CCL28: variants seen among roughly 807,000 people sequenced by gnomAD.
CCL28 encodes C-C motif chemokine 28.
A neutral mutation model predicts 7.1 loss-of-function variants in CCL28; 4 were observed. The ratio of observed to expected loss-of-function variants is 0.56; its 90% CI spans 0.28 to 1.29. The LOEUF (loss-of-function observed/expected upper bound fraction) is 1.29, where lower values mean the gene tolerates loss of function less well. CCL28 is among the 50% of genes most tolerant of loss of function. The probability of loss-of-function intolerance (pLI) is 0.11; values close to 1 mark genes in which losing one functional copy is unlikely to be tolerated. For missense variants in CCL28, 151 were observed against 163.4 expected (o/e 0.92, Z 0.41); for synonymous variants, 55 against 57.8 (o/e 0.95, Z 0.22).
chr5:43,388,398 A>G lies in CCL28; in HGVS notation c.143T>C (p.Met48Thr). 1.2e-6 allele frequency: 2 copies of G among 1,614,114 alleles called. No homozygotes were observed. Among genetic ancestry groups the G allele is most frequent in the Non-Finnish European group, 1.7e-6 (2 of 1,179,992 alleles). The part of the protein sequence containing the change: ...ISRRLLERVN[M>T]CRIQRADGDC... Reference sequence around the variant, plus strand: ...CCCATCAGCTCTCTGGATGCGACACATATTCACTCTTTCCAGGAGCCTTCT... The same window carrying G: ...CCCATCAGCTCTCTGGATGCGACACGTATTCACTCTTTCCAGGAGCCTTCT... Residue 48 changes from methionine (M) to threonine (T), a missense_variant, in exon 2 of 3, where the codon ATG becomes ACG. Coordinates refer to ENST00000361115, the MANE Select transcript of CCL28 (RefSeq NM_148672.3).
intron 1 of CCL28, among the ~76,000 whole-genome samples, chr5:43,409,855 C>T (rs767969670): frequency 5.3e-5 from 8 of 152,034 alleles, no homozygotes; most frequent in African/African-American, 1.9e-4. Flanking sequence ...GGATGATAGA[C>T]ATGTTTATGG....
chr5:43,399,011 G>A (rs1191831495), intron 1 of CCL28, among the ~76,000 whole-genome samples: 1 of 152,064 alleles, frequency 6.6e-6, no homozygotes, highest in African/African-American at 2.4e-5. Flanking sequence ...TTCAAAATGT[G>A]TTTTTTTAGC....
chr5:43,394,758 A>AAAGGAT (rs1740730197), intron 1 of CCL28, among the ~76,000 whole-genome samples: 1 of 152,136 alleles, frequency 6.6e-6, no homozygotes, highest in South Asian at 2.1e-4. Context: ...TGTAGGAAAT[A>AAAGGAT]AAGGATTTTT....
At chr5:43,375,800 G>A (rs1353645030), downstream of CCL28, among the ~76,000 whole-genome samples, 1 of 152,022 alleles carries the variant, frequency 6.6e-6, no homozygotes, top group East Asian at 1.9e-4. Context: ...TAAAAAATTA[G>A]CCGGGTGTGG....
intron 2 of CCL28, among the ~76,000 whole-genome samples, chr5:43,384,637 T>TC (rs1049024893): frequency 2.0e-5 from 3 of 150,042 alleles, no homozygotes; most frequent in South Asian, 4.2e-4. Context: ...CTGAGGCCAA[T>TC]CCCCCTTTTT....
chr5:43,370,261 A>G, the CCL28 span, among the ~76,000 whole-genome samples: 1 of 152,350 alleles, frequency 6.6e-6, no homozygotes, highest in African/African-American at 2.4e-5. Context: ...TTCAAATACC[A>G]GTTAACGAAT....
the CCL28 span, among the ~76,000 whole-genome samples, chr5:43,365,473 A>G: frequency 6.6e-6 from 1 of 152,176 alleles, no homozygotes. Flanking sequence ...GATGGTCTTT[A>G]TAATTTGGTA....
At chr5:43,388,199 G>A (rs1207261135) in intron 2 of CCL28, 151 bp downstream of exon 2, 7 of 896,598 alleles carry the variant, frequency 7.8e-6, no homozygotes, top group East Asian at 5.4e-5. Flanking sequence ...AGGGAGCCTG[G>A]GGCCTAATGG....
chr5:43,361,874 G>A, the CCL28 span, among the ~76,000 whole-genome samples: 1 of 149,296 alleles, frequency 6.7e-6, no homozygotes, highest in Non-Finnish European at 1.5e-5. Context: ...TTTTGTACCA[G>A]TACTATGCTG....
rs1561168393 is a variant in CCL28, at chr5:43,406,212, C to T, written c.64+6041G>A. On this transcript the variant is annotated intron_variant, in intron 1 of 2. Transcript: ENST00000361115. The stretch of plus-strand genomic sequence containing the variant: ...ACAACAAAAAAAGAGAATTTTAGAC[C>T]AATATCCTTGATGAACATCGATGCA... Among the ~76,000 whole-genome samples, 3 of 152,170 alleles carry T rather than the reference C, an allele frequency of 2.0e-5. 1 individual carries two copies. Among genetic ancestry groups the T allele is most frequent in the African/African-American group, 7.2e-5 (3 of 41,450 alleles).
downstream of CCL28, among the ~76,000 whole-genome samples, chr5:43,375,294 T>C (rs562000184): frequency 7.1e-6 from 1 of 140,356 alleles, no homozygotes; most frequent in East Asian, 2.1e-4. Flanking sequence ...CAACCAATAG[T>C]CTTCCTATTA....
downstream of CCL28, among the ~76,000 whole-genome samples, chr5:43,374,943 T>G (rs1401503086): frequency 1.3e-5 from 2 of 152,030 alleles, no homozygotes. Context: ...ATAGTGAAGT[T>G]TAATGGCATT....
chr5:43,359,960 C>A, the CCL28 span, among the ~76,000 whole-genome samples: 8 of 151,972 alleles, frequency 5.3e-5, no homozygotes, highest in African/African-American at 1.7e-4. Flanking sequence ...ATTCCCTAGT[C>A]CCCTGCCCAC....
Position 43,412,349 on chromosome 5 carries a change from C to T in CCL28, c.-33G>A, listed in dbSNP as rs554191779. Reference sequence around the variant, plus strand: ...TGCCCTACTGGCACTGACAGCAACACAAGTGAGGCTGTTCGATCAGGAAAT... The same window carrying T: ...TGCCCTACTGGCACTGACAGCAACATAAGTGAGGCTGTTCGATCAGGAAAT... On this transcript the variant is annotated 5_prime_UTR_variant, in exon 1 of 3. In the 5' UTR this introduces an upstream ATG that the reference lacks. Coordinates refer to ENST00000361115, the MANE Select transcript of CCL28 (RefSeq NM_148672.3). 4.4e-6 allele frequency: 7 copies of T among 1,596,908 alleles called. No homozygotes were observed. In the East Asian group the frequency reaches 1.1e-4, roughly 25 times the overall value.
downstream of CCL28, among the ~76,000 whole-genome samples, chr5:43,371,707 C>T (rs1739789826): frequency 6.6e-6 from 1 of 152,216 alleles, no homozygotes; most frequent in African/African-American, 2.4e-5. Context: ...AACCATCCAG[C>T]TGAGCCACTC....
chr5:43,402,612 G>C (rs1011702861), intron 1 of CCL28, among the ~76,000 whole-genome samples: 1 of 152,162 alleles, frequency 6.6e-6, no homozygotes, highest in African/African-American at 2.4e-5. Flanking sequence ...ACAGAAAACG[G>C]GTGATTTCTG....
At chr5:43,378,023 C>T (rs572232336), downstream of CCL28, among the ~76,000 whole-genome samples, 184 of 135,170 alleles carry the variant, frequency 1.4e-3, no homozygotes, top group African/African-American at 5.7e-3. Flanking sequence ...TGAGCCACCG[C>T]GCCCGGCCAG....
In CCL28 at chr5:43,380,845, G is replaced by C. The variant is rs1012142754; in HGVS notation, c.*1015C>G. On this transcript the variant is annotated 3_prime_UTR_variant, in exon 3 of 3. Transcript: ENST00000361115. ...TTAAAAATTAAAAAAAAAAGACAGAGGAACTTTCTTAGATTGAAAGATATT... is the reference window on the plus strand; with the variant it reads ...TTAAAAATTAAAAAAAAAAGACAGACGAACTTTCTTAGATTGAAAGATATT... 9 of 151,478 alleles carry C rather than the reference G, an allele frequency of 5.9e-5. No homozygotes were observed. Among genetic ancestry groups the C allele is most frequent in the Non-Finnish European group, 1.0e-4 (7 of 67,904 alleles). The allele number at this position is 151,478 out of a possible 1,614,324, so 9.4% of individuals were successfully genotyped here.
chr5:43,377,722 T>TTTTG, downstream of CCL28, among the ~76,000 whole-genome samples: 1 of 66,672 alleles, frequency 1.5e-5, no homozygotes, highest in African/African-American at 7.4e-5. Flanking sequence ...TTAAACTTTT[T>TTTTG]TTTTTTTTTT....
Sources: gnomAD v4.1 joint callset for allele counts (sites outside exome capture counted in the v4.1 genomes callset) on GRCh38, gnomAD v4.1.1 for gene constraint, MANE v1.5 for transcripts, NCBI Gene and HGNC (gene_info 2026-07-23, HGNC 2026-07-21) for gene names.